CACNA1C: variants seen among roughly 807,000 people sequenced by gnomAD.
CACNA1C encodes calcium voltage-gated channel subunit alpha1 C, also known as voltage-dependent L-type calcium channel subunit alpha-1C.
Under a neutral mutation model 229.0 loss-of-function variants are expected in CACNA1C, and 30 were observed. The observed-to-expected ratio is 0.13, with a 90% CI of 0.10 to 0.18. The LOEUF (loss-of-function observed/expected upper bound fraction) is 0.18, where lower values mean the gene tolerates loss of function less well. Ranked by LOEUF, CACNA1C falls within the 10% of genes least tolerant of loss-of-function variation. The pLI is 1.00. For synonymous variants in CACNA1C, 1,114 were observed against 1,132.5 expected (o/e 0.98, Z 0.33); for missense variants, 1,658 against 2,845.0 (o/e 0.58, Z 9.49).
At chr12:2,033,696 C>A (rs2048618248) in intron 1 of CACNA1C, among the ~76,000 whole-genome samples, 1 of 152,202 alleles carries the variant, frequency 6.6e-6, no homozygotes, top group African/African-American at 2.4e-5. Context: ...CATTTAAAAT[C>A]ATTCCCCAGG....
At chr12:2,019,249 C>G (rs1321474373) in intron 1 of CACNA1C, among the ~76,000 whole-genome samples, 1 of 152,028 alleles carries the variant, frequency 6.6e-6, no homozygotes, top group African/African-American at 2.4e-5. Context: ...ATCATTTGAG[C>G]CCAGAAGTTC....
At chr12:2,426,591 C>T (rs992563437) in intron 3 of CACNA1C, among the ~76,000 whole-genome samples, 4 of 152,182 alleles carry the variant, frequency 2.6e-5, no homozygotes, top group Admixed American at 6.5e-5. Flanking sequence ...ACAAACTACC[C>T]GGATACTTAG....
At chr12:2,111,114 GTTTTC>G (rs1380741636) in intron 1 of CACNA1C, among the ~76,000 whole-genome samples, 1 of 152,238 alleles carries the variant, frequency 6.6e-6, no homozygotes, top group Non-Finnish European at 1.5e-5. Context: ...AGTGTAGGTT[GTTTTC>G]TTGGCCTCTG....
At chr12:2,073,831 C>T (rs115950153) in intron 1 of CACNA1C, among the ~76,000 whole-genome samples, 2,726 of 152,204 alleles carry the variant, frequency 0.018, 77 homozygotes, top group African/African-American at 0.061. Flanking sequence ...CAGTTAAATC[C>T]GGCAAAGGAG....
intron 3 of CACNA1C, among the ~76,000 whole-genome samples, chr12:2,179,625 A>G (rs2096772085): frequency 6.6e-6 from 1 of 152,212 alleles, no homozygotes; most frequent in African/African-American, 2.4e-5. Flanking sequence ...TCCAGACCTG[A>G]GTCTCAAAGT....
rs1248251400 is a variant in CACNA1C, at chr12:2,653,314, A to G, written c.4075-521A>G. 6.6e-6 allele frequency among the ~76,000 whole-genome samples: 1 copy of G among 152,248 alleles called. No homozygotes were observed. Among genetic ancestry groups the G allele is most frequent in the Non-Finnish European group, 1.5e-5 (1 of 68,042 alleles). ...GTTAAGTGCCCCAACCCTCACAGAT[A>G]GAAAGTGGCAGAAACAGGATTTGAA... On this transcript the variant is annotated intron_variant, in intron 32 of 46. Coordinates refer to ENST00000399655, the MANE Select transcript of CACNA1C (RefSeq NM_000719.7). The surrounding 1 kb of genome is among the most constrained non-coding windows in gnomAD (Gnocchi z 4.7).
At chr12:2,360,501 T>C (rs1168210441) in intron 3 of CACNA1C, among the ~76,000 whole-genome samples, 1 of 152,194 alleles carries the variant, frequency 6.6e-6, no homozygotes, top group African/African-American at 2.4e-5. Flanking sequence ...TCCATGTTTT[T>C]ATCTGGACTT....
chr12:2,041,746 G>T (rs1172549922), intron 1 of CACNA1C, among the ~76,000 whole-genome samples: 1 of 152,218 alleles, frequency 6.6e-6, no homozygotes, highest in Non-Finnish European at 1.5e-5. Context: ...ATGTTCATTT[G>T]TTTTATGAAC....
chr12:2,002,198 C>T (rs2042330176), intron 1 of CACNA1C, among the ~76,000 whole-genome samples: 1 of 152,202 alleles, frequency 6.6e-6, no homozygotes, highest in East Asian at 1.9e-4. Context: ...AATTCCCCTC[C>T]TTAAGATCCC....
intron 3 of CACNA1C, among the ~76,000 whole-genome samples, chr12:2,363,402 C>T (rs1311686181): frequency 6.6e-6 from 1 of 152,240 alleles, no homozygotes; most frequent in African/African-American, 2.4e-5. Flanking sequence ...TGACCTGGCT[C>T]AACCAATTAG....
chr12:2,357,049 C>T (rs1377672356), intron 3 of CACNA1C, among the ~76,000 whole-genome samples: 1 of 152,212 alleles, frequency 6.6e-6, no homozygotes, highest in Non-Finnish European at 1.5e-5. Flanking sequence ...GCCTGCTTTG[C>T]CTGGGTGTTT....
intron 18 of CACNA1C, among the ~76,000 whole-genome samples, chr12:2,589,078 A>G (rs368018821): frequency 6.6e-6 from 1 of 152,112 alleles, no homozygotes; most frequent in Non-Finnish European, 1.5e-5. Flanking sequence ...ATCATCAGAG[A>G]TGCTGAGAGT....
intron 1 of CACNA1C, among the ~76,000 whole-genome samples, chr12:2,006,584 TATC>T (rs2043507950): frequency 6.6e-6 from 1 of 152,170 alleles, no homozygotes; most frequent in Non-Finnish European, 1.5e-5. Context: ...GATATAGAAA[TATC>T]ATAGATACGG....
chr12:1,979,664 T>C (rs1592984584), intron 1 of CACNA1C, among the ~76,000 whole-genome samples: 1 of 152,372 alleles, frequency 6.6e-6, no homozygotes, highest in East Asian at 1.9e-4. Context: ...CATACGCTAG[T>C]TATATGTTTA....
intron 1 of CACNA1C, among the ~76,000 whole-genome samples, chr12:2,022,463 C>CTT (rs71057815): frequency 2.5e-4 from 33 of 133,604 alleles, no homozygotes; most frequent in Non-Finnish European, 4.0e-4. Context: ...CCCTAAGGAA[C>CTT]TTTTTTTTTT....
rs1352612074 is a variant in CACNA1C, at chr12:2,145,633, C to A, written c.477+25203C>A. 2.6e-5 allele frequency among the ~76,000 whole-genome samples: 4 copies of A among 151,344 alleles called. No homozygotes were observed. The East Asian group carries it at 7.7e-4, about 29-fold the overall frequency. On this transcript the variant is annotated intron_variant, in intron 3 of 46. Coordinates refer to ENST00000399655, the MANE Select transcript of CACNA1C (RefSeq NM_000719.7). ...TACCAGGCACTGGGCAAGGGGCATT[C>A]TGTGAGAGAGGGTATGGTACCTGCG... is the stretch of plus-strand genomic sequence containing the variant.
intron 3 of CACNA1C, among the ~76,000 whole-genome samples, chr12:2,407,195 C>T (rs921700847): frequency 1.6e-4 from 25 of 152,250 alleles, no homozygotes; most frequent in Non-Finnish European, 3.2e-4. Context: ...GACACCACTT[C>T]GGCAGGGAAA....
chr12:2,629,541 A>G (rs535137989), intron 29 of CACNA1C, among the ~76,000 whole-genome samples: 13 of 152,164 alleles, frequency 8.5e-5, no homozygotes, highest in Non-Finnish European at 1.5e-4. Flanking sequence ...CCTCACCTCA[A>G]CTCTGTGCTT....
At chr12:2,175,198 C>G (rs964829132) in intron 3 of CACNA1C, among the ~76,000 whole-genome samples, 1 of 152,186 alleles carries the variant, frequency 6.6e-6, no homozygotes, top group African/African-American at 2.4e-5. Context: ...ATATTCAGTT[C>G]ATATGTAAAT....
Sources: gnomAD v4.1 joint callset for allele counts (sites outside exome capture counted in the v4.1 genomes callset) on GRCh38, gnomAD v4.1.1 for gene constraint, Gnocchi (gnomAD v3.1) non-coding constraint, MANE v1.5 for transcripts, NCBI Gene and HGNC (gene_info 2026-07-23, HGNC 2026-07-21) for gene names.